GCNT1: variants seen among roughly 807,000 people sequenced by gnomAD.
The protein encoded by GCNT1 is glucosaminyl (N-acetyl) transferase 1.
A neutral mutation model predicts 26.2 loss-of-function variants in GCNT1; 16 were observed. That is an observed-to-expected ratio of 0.61 (90% CI 0.41 to 0.93). GCNT1 has a LOEUF of 0.93. Among genes scored for constraint, GCNT1 ranks in the 40% least tolerant of loss-of-function variants. The pLI, the probability that GCNT1 is intolerant of heterozygous loss-of-function variation, is 0.00. For missense variants in GCNT1, 477 were observed against 526.7 expected, an observed-to-expected ratio of 0.91 and a Z score of 0.92; for synonymous variants, 183 against 190.8, an observed-to-expected ratio of 0.96 and a Z score of 0.34.
the GCNT1 span, among the ~76,000 whole-genome samples, chr9:76,413,525 T>C: frequency 6.6e-6 from 1 of 152,218 alleles, no homozygotes; most frequent in Non-Finnish European, 1.5e-5. Flanking sequence ...GAGAAGTTGG[T>C]TGTAAATTTT....
upstream of GCNT1, among the ~76,000 whole-genome samples, chr9:76,456,831 G>T (rs182071371): frequency 1.3e-5 from 2 of 152,084 alleles, no homozygotes; most frequent in Admixed American, 6.6e-5. Flanking sequence ...AAAAATTACC[G>T]GGCATGGTGG....
At chr9:76,411,697 CT>C in the GCNT1 span, among the ~76,000 whole-genome samples, 15,327 of 82,150 alleles carry the variant, frequency 0.19, 1,330 homozygotes, top group East Asian at 0.47. Flanking sequence ...ATCAATTATA[CT>C]TTTTTTTTTT....
the GCNT1 span, chr9:76,398,575 C>G: frequency 3.0e-6 from 2 of 672,816 alleles, no homozygotes; most frequent in Non-Finnish European, 5.3e-6. Context: ...TATATTTAAT[C>G]AAATGAGGTG....
Position 76,504,581 on chromosome 9 carries a change from G to C in GCNT1, c.*913G>C, listed in dbSNP as rs892100790. ...AAGACAGGATGATACAGGTTTGAGG[G>C]GCTGGGGAGTGGGAGGGGGGAGAAA... is the stretch of plus-strand genomic sequence containing the variant. On this transcript the variant is annotated 3_prime_UTR_variant, in exon 4 of 4. Transcript: ENST00000376730. 4 of 407,566 alleles carry C rather than the reference G, an allele frequency of 9.8e-6. No homozygotes were observed. Among genetic ancestry groups the C allele is most frequent in the African/African-American group, 8.3e-5 (4 of 48,468 alleles). 25.2% of individuals were successfully genotyped at this position (407,566 alleles called of 1,614,324 possible). A position where few individuals can be genotyped will look rare whatever the true frequency, so the allele number is the denominator to read the frequency against.
chr9:76,495,192 G>A (rs1824872483), intron 2 of GCNT1, among the ~76,000 whole-genome samples: 1 of 152,154 alleles, frequency 6.6e-6, no homozygotes, highest in Admixed American at 6.5e-5. Flanking sequence ...GTTCCTTCTG[G>A]TGGATTCTTG....
upstream of GCNT1, among the ~76,000 whole-genome samples, chr9:76,440,404 G>T (rs961371560): frequency 6.6e-6 from 1 of 152,184 alleles, no homozygotes; most frequent in Non-Finnish European, 1.5e-5. Flanking sequence ...ATGAATGAAG[G>T]TGACATCAAT....
At chr9:76,477,727 AT>A (rs2131611457) in intron 2 of GCNT1, among the ~76,000 whole-genome samples, 1 of 152,312 alleles carries the variant, frequency 6.6e-6, no homozygotes, top group South Asian at 2.1e-4. Flanking sequence ...CACCCTAGCC[AT>A]TCCTAGAACT....
chr9:76,480,430 T>C (rs1824391540), intron 2 of GCNT1, among the ~76,000 whole-genome samples: 1 of 152,242 alleles, frequency 6.6e-6, no homozygotes, highest in Non-Finnish European at 1.5e-5. Context: ...GCATTGAATC[T>C]ATAAATTACC....
intron 1 of GCNT1, among the ~76,000 whole-genome samples, chr9:76,424,248 C>G (rs1038446273): frequency 6.6e-6 from 1 of 152,102 alleles, no homozygotes; most frequent in Admixed American, 6.6e-5. Context: ...TAGGCAGAAC[C>G]TGGAATCAAG....
upstream of GCNT1, among the ~76,000 whole-genome samples, chr9:76,458,175 ATTTTTTTTTTT>A (rs779648273): frequency 1.3e-5 from 1 of 76,212 alleles, no homozygotes; most frequent in East Asian, 4.0e-4. Context: ...TCTGAGTTGG[ATTTTTTTTTTT>A]TTTTTTTTTT....
At position 76,502,724 on chromosome 9, in the gene GCNT1, A is replaced by C. The variant is rs779649846; in HGVS notation, c.343A>C (p.Ser115Arg). Residue 115 changes from serine (S) to arginine (R), a missense_variant, in exon 4 of 4, where the codon AGT (serine) becomes CGT (arginine). Coordinates refer to ENST00000376730, the MANE Select transcript of GCNT1 (RefSeq NM_001490.5). ...ACGCAAATATATTGTAGAACCCCTTAGTAAAGAAGAGGCGGAGTTTCCAAT... is the reference window on the plus strand; with the variant it reads ...ACGCAAATATATTGTAGAACCCCTTCGTAAAGAAGAGGCGGAGTTTCCAAT... ...KRRKYIVEPL[S>R]KEEAEFPIAY... The C allele has an allele frequency of 6.2e-7, 1 of 1,614,094 alleles. No individual in the cohort carries two copies. The highest frequency in any genetic ancestry group is 1.1e-5 in the South Asian group (1 of 91,082).
At chr9:76,499,211 T>A (rs1159725783) in intron 2 of GCNT1, among the ~76,000 whole-genome samples, 1 of 152,184 alleles carries the variant, frequency 6.6e-6, no homozygotes, top group African/African-American at 2.4e-5. Context: ...CACTGCAGTT[T>A]CCACCACCCA....
At chr9:76,481,783 C>T (rs993957471) in intron 2 of GCNT1, among the ~76,000 whole-genome samples, 1 of 152,178 alleles carries the variant, frequency 6.6e-6, no homozygotes, top group African/African-American at 2.4e-5. Flanking sequence ...GCAAAAGACA[C>T]AGACTCCTGG....
intron 2 of GCNT1, among the ~76,000 whole-genome samples, chr9:76,462,807 C>CT (rs796985114): frequency 1.8e-4 from 27 of 151,330 alleles, no homozygotes; most frequent in African/African-American, 5.6e-4. Flanking sequence ...CTGCCAGTTT[C>CT]TTTTTTTTTC....
At chr9:76,407,291 G>A in the GCNT1 span, among the ~76,000 whole-genome samples, 5,103 of 152,016 alleles carry the variant, frequency 0.034, 104 homozygotes, top group Non-Finnish European at 0.048. Context: ...TTTTGGGCAT[G>A]AGTATAAAGT....
At chr9:76,456,617 C>T (rs1823761666), upstream of GCNT1, among the ~76,000 whole-genome samples, 1 of 152,218 alleles carries the variant, frequency 6.6e-6, no homozygotes, top group African/African-American at 2.4e-5. Context: ...CACCCCTAAG[C>T]ATTCCAGAAA....
At chr9:76,403,255 GTGA>G in the GCNT1 span, among the ~76,000 whole-genome samples, 1 of 152,192 alleles carries the variant, frequency 6.6e-6, no homozygotes, top group South Asian at 2.1e-4. Context: ...AATCAAGGGT[GTGA>G]TGATTACTAA....
At chr9:76,416,647 A>G (rs1430687335), upstream of GCNT1, among the ~76,000 whole-genome samples, 3 of 152,230 alleles carry the variant, frequency 2.0e-5, no homozygotes, top group Non-Finnish European at 4.4e-5. Context: ...CCACGAAGGG[A>G]TCCAGGGAAC....
upstream of GCNT1, among the ~76,000 whole-genome samples, chr9:76,440,007 A>C (rs1823462309): frequency 6.6e-6 from 1 of 152,018 alleles, no homozygotes; most frequent in African/African-American, 2.4e-5. Context: ...AGGCTGAGGC[A>C]GGAGAATCGC....
Sources: gnomAD v4.1 joint callset for allele counts (sites outside exome capture counted in the v4.1 genomes callset) on GRCh38, gnomAD v4.1.1 for gene constraint, MANE v1.5 for transcripts, NCBI Gene and HGNC (gene_info 2026-07-23, HGNC 2026-07-21) for gene names.